The following ITGA4 variants were observed in gnomAD, a reference collection of about 807,000 sequenced individuals.
ITGA4 encodes the protein integrin subunit alpha 4, also known as integrin alpha-4.
ITGA4 carries 63 observed loss-of-function variants against 133.6 expected under a neutral mutation model. The observed-to-expected ratio is 0.47, with a 90% CI of 0.38 to 0.58. The LOEUF is 0.58. ITGA4 is among the 20% of genes least tolerant of loss of function. The pLI, the probability that ITGA4 is intolerant of heterozygous loss-of-function variation, is 0.00. For synonymous variants in ITGA4, 483 were observed against 438.0 expected, an observed-to-expected ratio of 1.10 and a Z score of -1.28; for missense variants, 1,076 against 1,252.7, an observed-to-expected ratio of 0.86 and a Z score of 2.13.
rs73974897 is a variant in ITGA4, at chr2:181,460,286, C to G, written c.319+1969C>G. 6.6e-3 allele frequency among the ~76,000 whole-genome samples: 1,007 copies of G among 152,102 alleles called. 4 individuals are homozygous for G. The highest frequency in any genetic ancestry group is 0.022 in the African/African-American group (925 of 41,464). ...TGATAGTAATGCCTTGAGTATTTGC[C>G]GAAGAGTTGACTGAAGTTATTTCTC... On this transcript the variant is annotated intron_variant, in intron 2 of 27. Transcript: ENST00000397033.
rs1385724261 is a variant in ITGA4 at position 181,537,937 on chromosome 2, C to A, written c.*2410C>A. 1 of 608,448 alleles carries A rather than the reference C, an allele frequency of 1.6e-6. No individual in the cohort carries two copies. The highest frequency in any genetic ancestry group is 3.4e-5 in the East Asian group (1 of 29,562). The allele number at this position is 608,448 out of a possible 1,614,324, so 37.7% of individuals were successfully genotyped here. A position where few individuals can be genotyped will look rare whatever the true frequency, so the allele number is the denominator to read the frequency against. On this transcript the variant is annotated 3_prime_UTR_variant, in exon 28 of 28. Transcript: ENST00000397033. ...CAGATCAGCAGCAGCATTAGATTCT[C>A]ATAGAAGTGCGAACCATATGGTGAA...
chr2:181,530,419 A>G, intron 23 of ITGA4, 105 bp from the exon 24 acceptor site: 1 of 997,636 alleles, frequency 1.0e-6, no homozygotes. Flanking sequence ...GGTACTTGAT[A>G]TATTTTAGCA....
intron 15 of ITGA4, among the ~76,000 whole-genome samples, chr2:181,501,427 A>C (rs1686266670): frequency 6.6e-6 from 1 of 152,122 alleles, no homozygotes; most frequent in Non-Finnish European, 1.5e-5. Context: ...AGAAAGGGGG[A>C]TCTATAACAG....
chr2:181,529,457 G>C (rs1432987341), intron 22 of ITGA4, 84 bp from the exon 23 acceptor site: 1 of 657,420 alleles, frequency 1.5e-6, no homozygotes, highest in Admixed American at 2.4e-5. Flanking sequence ...TGGAATATAC[G>C]GGATCACCTA....
At chr2:181,474,884 G>A (rs752611489) in intron 2 of ITGA4, 76 bp from the exon 3 acceptor site, 4 of 1,006,200 alleles carry the variant, frequency 4.0e-6, no homozygotes, top group Non-Finnish European at 6.1e-6. Flanking sequence ...AAAATACTGG[G>A]GATGAGTGCA....
At chr2:181,527,436 C>A (rs200116344) in intron 22 of ITGA4, 49 bp downstream of exon 22, 5 of 1,230,144 alleles carry the variant, frequency 4.1e-6, no homozygotes, top group African/African-American at 1.5e-5. Flanking sequence ...AAAAGGATGT[C>A]ACTGATGCAT....
intron 25 of ITGA4, among the ~76,000 whole-genome samples, chr2:181,533,250 T>C (rs971971332): frequency 1.1e-4 from 17 of 152,180 alleles, no homozygotes; most frequent in Admixed American, 9.8e-4. Flanking sequence ...CCAAAGGAAA[T>C]GGCAGCTGTT....
Position 181,536,963 on chromosome 2 carries a change from C to CCATCCTAATTGATGA in ITGA4, c.*1437_*1451dup, listed in dbSNP as rs1687149970. On this transcript the variant is annotated 3_prime_UTR_variant, in exon 28 of 28. Coordinates refer to ENST00000397033, the MANE Select transcript of ITGA4 (RefSeq NM_000885.6). ...ATATGAAGTCCCTGCCACTAGCCAG[C>CCATCCTAATTGATGA]CATCCTAATTGATGAAAGTTATCTG... is the stretch of plus-strand genomic sequence containing the variant. 2.2e-6 allele frequency: 1 copy of CCATCCTAATTGATGA among 452,562 alleles called. No individual in the cohort carries two copies. Among genetic ancestry groups the CCATCCTAATTGATGA allele is most frequent in the Admixed American group, 2.4e-5 (1 of 42,278 alleles). 28.0% of individuals were successfully genotyped at this position (452,562 alleles called of 1,614,324 possible). A position where few individuals can be genotyped will look rare whatever the true frequency, so the allele number is the denominator to read the frequency against.
At position 181,482,385 on chromosome 2, in the gene ITGA4, A is replaced by T. The variant is rs200000911; in HGVS notation, c.866A>T (p.Lys289Ile). The T allele has an allele frequency of 6.2e-7, 1 of 1,612,758 alleles. No individual in the cohort carries two copies. Among genetic ancestry groups the T allele is most frequent in the East Asian group, 2.2e-5 (1 of 44,860 alleles). The part of the protein sequence containing the change: ...GKAYIFSIDE[K>I]ELNILHEMKG... ...GCATATATATTCAGCATTGATGAAA[A>T]AGAACTAAATATCTTACATGAAATG... Residue 289 changes from lysine to isoleucine, a missense_variant, in exon 8 of 28, where the codon AAA (lysine) becomes ATA (isoleucine). Physicochemically the swap from Lys to Ile is moderately radical, Grantham distance 102 (BLOSUM62 -3). Around this residue, in one of 4 missense-constraint regions of ITGA4, gnomAD observed 436 missense variants for 590.7 expected, o/e 0.74. Transcript: ENST00000397033.
At position 181,536,330 on chromosome 2, in the gene ITGA4, C is replaced by G. The variant is rs1687086988; in HGVS notation, c.*803C>G. The G allele has an allele frequency of 1.3e-5, 2 of 152,040 alleles. No homozygotes were observed. The highest frequency in any genetic ancestry group is 2.9e-5 in the Non-Finnish European group (2 of 67,976). The allele number at this position is 152,040 out of a possible 1,614,324, so 9.4% of individuals were successfully genotyped here. On this transcript the variant is annotated 3_prime_UTR_variant, in exon 28 of 28. Coordinates refer to ENST00000397033, the MANE Select transcript of ITGA4 (RefSeq NM_000885.6). ...ATCAAGCATACCCAGGAGTAATCTT[C>G]AAATCTTTTGTTATATTCTGAAACA...
chr2:181,511,205 C>A (rs1157302977), intron 16 of ITGA4, among the ~76,000 whole-genome samples: 1 of 151,616 alleles, frequency 6.6e-6, no homozygotes, highest in East Asian at 1.9e-4. Flanking sequence ...ATTCTGAAAC[C>A]CTTACTTATT....
chr2:181,476,385 T>C (rs992178942), intron 4 of ITGA4, among the ~76,000 whole-genome samples: 4 of 152,146 alleles, frequency 2.6e-5, no homozygotes, highest in Non-Finnish European at 1.5e-5. Flanking sequence ...TCAGGTAAGA[T>C]ATATTTTTTT....
chr2:181,459,929 A>G (rs577052694), intron 2 of ITGA4, among the ~76,000 whole-genome samples: 1 of 151,946 alleles, frequency 6.6e-6, no homozygotes, highest in Non-Finnish European at 1.5e-5. Context: ...AAATCATGAC[A>G]TAATACTGTA....
chr2:181,461,564 T>C (rs1685279298), intron 2 of ITGA4, among the ~76,000 whole-genome samples: 1 of 152,060 alleles, frequency 6.6e-6, no homozygotes, highest in Non-Finnish European at 1.5e-5. Flanking sequence ...TAAATTAAGG[T>C]GTCACAAATA....
intron 15 of ITGA4, among the ~76,000 whole-genome samples, chr2:181,501,443 T>C (rs1686267256): frequency 6.6e-6 from 1 of 152,170 alleles, no homozygotes; most frequent in African/African-American, 2.4e-5. Flanking sequence ...AACAGCATTT[T>C]GGCAGAGAAG....
rs182473752 is a variant in ITGA4, at chr2:181,526,889, C to A, written c.2340-408C>A. On this transcript the variant is annotated intron_variant, in intron 21 of 27. Coordinates refer to ENST00000397033, the MANE Select transcript of ITGA4 (RefSeq NM_000885.6). Reference sequence around the variant, plus strand: ...CTCTATTGCCCATGCTGGAGGGCAGCGGTGTGACCTCAGCTCACTGCAACC... The same window carrying A: ...CTCTATTGCCCATGCTGGAGGGCAGAGGTGTGACCTCAGCTCACTGCAACC... Among the ~76,000 whole-genome samples the A allele has an allele frequency of 6.4e-5, 8 of 124,520 alleles. No homozygotes were observed. In the South Asian group the frequency reaches 2.3e-3, roughly 35 times the overall value. 81.7% of individuals were successfully genotyped at this position (124,520 alleles called of 152,430 possible).
chr2:181,472,342 CTT>C (rs944391518), intron 2 of ITGA4, among the ~76,000 whole-genome samples: 2 of 152,086 alleles, frequency 1.3e-5, no homozygotes, highest in African/African-American at 4.8e-5. Context: ...AAACTATTGT[CTT>C]TTTAATCTTC....
At chr2:181,487,690 T>C (rs1174034972) in intron 10 of ITGA4, among the ~76,000 whole-genome samples, 4 of 152,242 alleles carry the variant, frequency 2.6e-5, no homozygotes, top group Admixed American at 2.6e-4. Context: ...GTGATATTTA[T>C]TGAACATTTA....
intron 15 of ITGA4, 114 bp from the exon 16 acceptor site, chr2:181,509,544 G>C (rs182969122): frequency 4.2e-5 from 25 of 595,444 alleles, no homozygotes; most frequent in Non-Finnish European, 5.9e-5. Context: ...TAAAAGATAA[G>C]TATTTGCTTT....
Sources: gnomAD v4.1 joint callset for allele counts (sites outside exome capture counted in the v4.1 genomes callset) on GRCh38, gnomAD v4.1.1 for gene constraint, gnomAD v4.1.1 regional missense constraint, MANE v1.5 for transcripts, NCBI Gene and HGNC (gene_info 2026-07-23, HGNC 2026-07-21) for gene names.